The following SGK2 variants were observed in gnomAD, a reference collection of about 807,000 sequenced individuals.
SGK2 encodes the protein serine/threonine-protein kinase Sgk2.
Under a neutral mutation model 47.5 loss-of-function variants are expected in SGK2, and 36 were observed. That is an observed-to-expected ratio of 0.76 (90% CI 0.58 to 1.00). The LOEUF is 1.00. Among genes scored for constraint, SGK2 ranks in the 50% least tolerant of loss-of-function variants. The pLI is 0.00. For synonymous variants in SGK2, 157 were observed against 181.9 expected (o/e 0.86, Z 1.10); for missense variants, 404 against 467.4 (o/e 0.86, Z 1.25).
At chr20:43,566,652 A>G in intron 2 of SGK2, 121 bp downstream of exon 2, 1 of 660,992 alleles carries the variant, frequency 1.5e-6, no homozygotes, top group Non-Finnish European at 2.6e-6. Flanking sequence ...CATAGAAATG[A>G]GCCACTTGCA....
In SGK2 at chr20:43,583,137, T is replaced by C. The variant is rs938516645; in HGVS notation, c.940-1715T>C. 5 of 1,241,238 alleles carry C rather than the reference T, an allele frequency of 4.0e-6. No individual in the cohort carries two copies. The East Asian group carries it at 2.3e-4, about 56-fold the overall frequency. 76.9% of individuals were successfully genotyped at this position (1,241,238 alleles called of 1,614,324 possible). ...TTCACCATTTACATTTCTCATTTGT[T>C]TAATTACCTATTCATGAACTTGTCT... On this transcript the variant is annotated intron_variant, in intron 12 of 12. Transcript: ENST00000373100.
chr20:43,580,186 T>G, intron 12 of SGK2, 125 bp downstream of exon 12: 1 of 608,398 alleles, frequency 1.6e-6, no homozygotes, highest in Non-Finnish European at 2.9e-6. Context: ...TGTCCTAGGC[T>G]ACACAGTCAG....
intron 1 of SGK2, chr20:43,565,323 G>C (rs1979630753): frequency 6.6e-6 from 1 of 152,390 alleles, no homozygotes; most frequent in Admixed American, 6.5e-5. Flanking sequence ...CTGGCCAAAG[G>C]GCCACTGGGG....
chr20:43,567,379 A>G (rs1236165108), intron 3 of SGK2, among the ~76,000 whole-genome samples: 1 of 152,240 alleles, frequency 6.6e-6, no homozygotes, highest in African/African-American at 2.4e-5. Flanking sequence ...TTTGGGTACC[A>G]GAACCCTGCC....
intron 1 of SGK2, among the ~76,000 whole-genome samples, chr20:43,561,605 G>C (rs573159498): frequency 7.8e-4 from 118 of 152,136 alleles, no homozygotes; most frequent in African/African-American, 2.6e-3. Context: ...GGCCAGGATG[G>C]TTTCGATCTC....
At position 43,572,085 on chromosome 20, in the gene SGK2, AG is replaced by A; in HGVS notation, c.547del (p.Glu183LysfsTer3). 1 of 1,550,214 alleles carries A rather than the reference AG, an allele frequency of 6.5e-7. No homozygotes were observed. The highest frequency in any genetic ancestry group is 8.7e-7 in the Non-Finnish European group (1 of 1,146,592). On this transcript the variant is annotated frameshift_variant, in exon 9 of 13. Coordinates refer to ENST00000373100, the MANE Select transcript of SGK2 (RefSeq NM_170693.3). LOFTEE classifies it high-confidence loss of function. This position sits in a 1 kb window ranked among gnomAD's most constrained non-coding sequence, Gnocchi z 4.2. ...HVVLTDFGLCKEGVEPEDTTS... is the reference protein window; with the variant it reads ...HVVLTDFGLCXEGVEPEDTTS... ...GTGCTGACGGATTTTGGCCTCTGCAAGGAAGGTGTAGAGCCTGAAGACACCA... is the reference window on the plus strand; with the variant it reads ...GTGCTGACGGATTTTGGCCTCTGCAAGAAGGTGTAGAGCCTGAAGACACCA...
intron 1 of SGK2, among the ~76,000 whole-genome samples, chr20:43,561,848 C>A (rs1287587410): frequency 1.3e-5 from 2 of 152,110 alleles, no homozygotes; most frequent in African/African-American, 4.8e-5. Flanking sequence ...GAAGCCATTG[C>A]AATAATCCAT....
chr20:43,579,983 G>A lies in SGK2; in HGVS notation c.861G>A (p.Lys287=), dbSNP rs35941643. The part of the protein sequence containing the change: ...LGSKADFLEI[K]NHVFFSPINW... ...TGCACTTCCTGCAGCTTGAGATTAA[G>A]AACCATGTATTCTTCAGCCCCATAA... Residue 287 remains lysine, a synonymous_variant, in exon 12 of 13, where the codon AAG becomes AAA. Transcript: ENST00000373100. 1.6e-3 allele frequency: 2,569 copies of A among 1,613,428 alleles called. 38 individuals carry two copies. In the African/African-American group the frequency reaches 0.03, roughly 19 times the overall value.
rs1436070727 is a variant in SGK2 at position 43,567,105 on chromosome 20, C to T, written c.74C>T (p.Ser25Leu). The change falls in exon 3 of 13, where the codon TCA (serine) becomes TTA (leucine). Residue 25 changes from serine (S) to leucine (L), a missense_variant. Ser to Leu is a moderately radical substitution (Grantham distance 145, BLOSUM62 -2). Transcript: ENST00000373100. ...AATGGGAACATCAACCTGGGGCCTT[C>T]AGCCAACCCAAAGTGAGTTCTGGTC... ...RANGNINLGP[S>L]ANPNAQPTDF... 1 of 1,613,928 alleles carries T rather than the reference C, an allele frequency of 6.2e-7. No homozygotes were observed. Among genetic ancestry groups the T allele is most frequent in the African/African-American group, 1.3e-5 (1 of 74,936 alleles).
Position 43,570,702 on chromosome 20 carries a change from A to G in SGK2, c.446A>G (p.Tyr149Cys), listed in dbSNP as rs778297714. ...YAAEVASAIGYLHSLNIIYRD... is the reference protein window; with the variant it reads ...YAAEVASAIGCLHSLNIIYRD... Reference sequence around the variant, plus strand: ...GCTGAGGTGGCCAGCGCCATTGGCTACCTGCACTCCCTCAACATCATTTAC... The same window carrying G: ...GCTGAGGTGGCCAGCGCCATTGGCTGCCTGCACTCCCTCAACATCATTTAC... The change falls in exon 7 of 13, where the codon TAC becomes TGC. Residue 149 changes from tyrosine to cysteine, a missense_variant. Physicochemically the swap from Tyr to Cys is radical, Grantham distance 194 (BLOSUM62 -2). Coordinates refer to ENST00000373100, the MANE Select transcript of SGK2 (RefSeq NM_170693.3). 1 of 1,613,364 alleles carries G rather than the reference A, an allele frequency of 6.2e-7. No individual in the cohort carries two copies. Among genetic ancestry groups the G allele is most frequent in the South Asian group, 1.1e-5 (1 of 91,054 alleles).
intron 12 of SGK2, among the ~76,000 whole-genome samples, chr20:43,580,347 G>C (rs1332551640): frequency 1.3e-5 from 2 of 152,156 alleles, no homozygotes; most frequent in African/African-American, 4.8e-5. Flanking sequence ...CACCCACATA[G>C]GGCCAAGCCC....
intron 11 of SGK2, 145 bp downstream of exon 11, chr20:43,576,524 C>A: frequency 1.5e-6 from 1 of 651,746 alleles, no homozygotes. Flanking sequence ...ACTACTGCTA[C>A]TAGCTGACTA....
intron 5 of SGK2, among the ~76,000 whole-genome samples, chr20:43,568,322 T>A (rs1310939994): frequency 6.6e-6 from 1 of 152,162 alleles, no homozygotes; most frequent in African/African-American, 2.4e-5. Flanking sequence ...CACTTTATTC[T>A]CTCTGAAGAC....
intron 5 of SGK2, 141 bp from the exon 6 acceptor site, chr20:43,569,244 G>A: frequency 9.5e-7 from 1 of 1,054,898 alleles, no homozygotes; most frequent in East Asian, 2.5e-5. Context: ...GGGCAATAGG[G>A]AGCCATTGTG....
chr20:43,565,555 C>T (rs3787272), intron 1 of SGK2, among the ~76,000 whole-genome samples: 3,778 of 152,280 alleles, frequency 0.025, 87 homozygotes, highest in Middle Eastern at 0.11. Context: ...CTCCAGGACC[C>T]CCCCTTGTAA....
chr20:43,577,463 T>G (rs1210151979), intron 11 of SGK2, among the ~76,000 whole-genome samples: 1 of 150,420 alleles, frequency 6.6e-6, no homozygotes, highest in Non-Finnish European at 1.5e-5. Flanking sequence ...GCGATTCTCC[T>G]GCCTCAGCCT....
In SGK2 at chr20:43,567,998, A is replaced by T. The variant is rs8183328; in HGVS notation, c.227A>T (p.Glu76Val). 11 of 1,613,326 alleles carry T rather than the reference A, an allele frequency of 6.8e-6. No individual in the cohort carries two copies. The highest frequency in any genetic ancestry group is 5.3e-5 in the African/African-American group (4 of 74,908). The change falls in exon 5 of 13, where the codon GAG (glutamate) becomes GTG (valine). Residue 76 changes from glutamate to valine, a missense_variant and splice_region_variant. Physicochemically the swap from Glu to Val is moderately radical, Grantham distance 121. Coordinates refer to ENST00000373100, the MANE Select transcript of SGK2 (RefSeq NM_170693.3). ...LQKKSILKKK[E>V]QSHIMAERSV... is the part of the protein sequence containing the mutation. ...AAAAAGTCCATCTTAAAGAAGAAAG[A>T]GGTACCAGAGCTCGGGCACAGGCAT...
chr20:43,560,494 A>C (rs940726138), intron 1 of SGK2, among the ~76,000 whole-genome samples: 2 of 125,324 alleles, frequency 1.6e-5, no homozygotes, highest in South Asian at 2.4e-4. Flanking sequence ...GCGAGACTCC[A>C]TCTCAAAAAA....
chr20:43,584,529 C>A (rs149741176), intron 12 of SGK2, among the ~76,000 whole-genome samples: 108 of 152,264 alleles, frequency 7.1e-4, no homozygotes, highest in African/African-American at 2.5e-3. Context: ...TCCTACCCCC[C>A]ACACAATGTA....
Sources: allele counts gnomAD v4.1 joint callset (sites outside exome capture counted in the v4.1 genomes callset), GRCh38; gene constraint gnomAD v4.1.1; non-coding constraint Gnocchi (gnomAD v3.1); transcripts MANE v1.5; gene names NCBI Gene and HGNC (gene_info 2026-07-23, HGNC 2026-07-21).